Variants in PCGF5 observed in about 807,000 individuals in gnomAD.
The protein encoded by PCGF5 is polycomb group ring finger 5.
PCGF5 carries 9 observed loss-of-function variants against 44.3 expected under a neutral mutation model. That is an observed-to-expected ratio of 0.20 (90% CI 0.12 to 0.35). The LOEUF (loss-of-function observed/expected upper bound fraction) is 0.35. Among genes scored for constraint, PCGF5 ranks in the 10% least tolerant of loss-of-function variants. The pLI is 1.00. For synonymous variants in PCGF5, 95 were observed against 102.5 expected (o/e 0.93, Z 0.44); for missense variants, 146 against 305.3 (o/e 0.48, Z 3.89).
At chr10:91,271,590 T>C in intron 8 of PCGF5, 48 bp from the exon 9 acceptor site, 1 of 1,430,726 alleles carries the variant, frequency 7.0e-7, no homozygotes, top group Non-Finnish European at 9.9e-7. Context: ...TTTAAATATG[T>C]GTCCAGTTGT....
At chr10:91,164,788 C>T (rs1163625571) in intron 1 of PCGF5, among the ~76,000 whole-genome samples, 2 of 152,176 alleles carry the variant, frequency 1.3e-5, no homozygotes, top group East Asian at 3.8e-4. Flanking sequence ...TCTTGATCGC[C>T]TTCATTATCT....
chr10:91,269,004 A>G (rs542742054), intron 8 of PCGF5, among the ~76,000 whole-genome samples: 2 of 152,102 alleles, frequency 1.3e-5, no homozygotes, highest in South Asian at 2.1e-4. Context: ...GGAAAAAGGA[A>G]AAAAAAACAT....
At chr10:91,190,419 G>A (rs1014423294) in intron 1 of PCGF5, among the ~76,000 whole-genome samples, 2 of 152,164 alleles carry the variant, frequency 1.3e-5, no homozygotes, top group East Asian at 1.9e-4. Context: ...TGTCGCTAAA[G>A]GTCTGTGGTG....
Position 91,199,026 on chromosome 10 carries a change from T to G in PCGF5, c.-183-23663T>G, listed in dbSNP as rs994191232. Among the ~76,000 whole-genome samples the G allele has an allele frequency of 4.6e-5, 7 of 152,326 alleles. No individual in the cohort carries two copies. In the East Asian group the frequency reaches 1.4e-3, roughly 29 times the overall value. ...CCTTTTATGTATTTATTGTTTTTGT[T>G]CAGAAACTGAAACTGCATCACATAC... On this transcript the variant is annotated intron_variant, in intron 1 of 9. Transcript: ENST00000614189.
chr10:91,196,514 A>G (rs1844138037), intron 1 of PCGF5, among the ~76,000 whole-genome samples: 1 of 152,114 alleles, frequency 6.6e-6, no homozygotes, highest in Admixed American at 6.5e-5. Flanking sequence ...AGATCTTTCC[A>G]TGGCTTCACA....
At chr10:91,269,081 G>A (rs966300453) in intron 8 of PCGF5, among the ~76,000 whole-genome samples, 1 of 152,268 alleles carries the variant, frequency 6.6e-6, no homozygotes, top group East Asian at 1.9e-4. Flanking sequence ...TTCTGACTCA[G>A]TAGGTCTGGG....
At chr10:91,174,905 T>G (rs945466697) in intron 1 of PCGF5, among the ~76,000 whole-genome samples, 1 of 152,208 alleles carries the variant, frequency 6.6e-6, no homozygotes, top group South Asian at 2.1e-4. Context: ...GAGGCAACAG[T>G]AGAGAAGAGG....
At chr10:91,178,110 A>C (rs1843745761) in intron 1 of PCGF5, among the ~76,000 whole-genome samples, 1 of 152,224 alleles carries the variant, frequency 6.6e-6, no homozygotes, top group African/African-American at 2.4e-5. Context: ...AGACACAGAC[A>C]AAATGTTGAC....
intron 1 of PCGF5, among the ~76,000 whole-genome samples, chr10:91,213,643 T>C (rs1357347924): frequency 2.6e-5 from 4 of 151,688 alleles, no homozygotes; most frequent in Non-Finnish European, 5.9e-5. Context: ...TTTTTTCTTT[T>C]TTTTTTTCTT....
At chr10:91,183,838 A>G (rs764362969) in intron 1 of PCGF5, among the ~76,000 whole-genome samples, 8 of 152,174 alleles carry the variant, frequency 5.3e-5, no homozygotes, top group African/African-American at 1.4e-4. Flanking sequence ...TTGGCTGGAT[A>G]TGAAATTCTG....
chr10:91,200,349 T>G (rs1237684730), intron 1 of PCGF5, among the ~76,000 whole-genome samples: 1 of 152,092 alleles, frequency 6.6e-6, no homozygotes, highest in Non-Finnish European at 1.5e-5. Flanking sequence ...TATTAATATC[T>G]TCCTACTCGG....
chr10:91,185,342 T>C (rs888278427), intron 1 of PCGF5, among the ~76,000 whole-genome samples: 7 of 152,160 alleles, frequency 4.6e-5, no homozygotes, highest in African/African-American at 1.4e-4. Context: ...TCTGCCCCCG[T>C]GGGTTTGGAC....
rs919197505 is a variant in PCGF5 at position 91,177,353 on chromosome 10, A to G, written c.-184+14272A>G. Among the ~76,000 whole-genome samples the G allele has an allele frequency of 5.0e-4, 76 of 152,248 alleles. 1 individual carries two copies. Among genetic ancestry groups the G allele is most frequent in the Non-Finnish European group, 1.3e-4 (9 of 68,044 alleles). On this transcript the variant is annotated intron_variant, in intron 1 of 9. Coordinates refer to the PCGF5 transcript ENST00000614189. ...CTTCCAGTTAGGCTACTCGGGGGTC[A>G]GGGACCCACTTGAGGAGGCAGTCTG...
chr10:91,191,476 A>G (rs1421988447), intron 1 of PCGF5, among the ~76,000 whole-genome samples: 1 of 152,198 alleles, frequency 6.6e-6, no homozygotes, highest in Admixed American at 6.5e-5. Flanking sequence ...GGAACTTTCC[A>G]TTTAATATTT....
chr10:91,181,282 A>G (rs1843814818), intron 1 of PCGF5, among the ~76,000 whole-genome samples: 1 of 152,244 alleles, frequency 6.6e-6, no homozygotes, highest in Non-Finnish European at 1.5e-5. Flanking sequence ...TTCTAGATAT[A>G]GGATCCTGTC....
chr10:91,248,612 C>T, intron 4 of PCGF5, 52 bp downstream of exon 4: 1 of 1,596,936 alleles, frequency 6.3e-7, no homozygotes. Context: ...GAAATCAACA[C>T]TTCTATTAAA....
chr10:91,186,636 T>C (rs1843932369), intron 1 of PCGF5, among the ~76,000 whole-genome samples: 1 of 151,998 alleles, frequency 6.6e-6, no homozygotes, highest in Non-Finnish European at 1.5e-5. Context: ...AATTAAAATG[T>C]TTAAAATGTT....
chr10:91,193,945 G>A (rs918515069), intron 1 of PCGF5, among the ~76,000 whole-genome samples: 2 of 152,160 alleles, frequency 1.3e-5, no homozygotes, highest in African/African-American at 4.8e-5. Flanking sequence ...TTAGATTTGG[G>A]ATGTAAGAGA....
intron 1 of PCGF5, among the ~76,000 whole-genome samples, chr10:91,189,189 G>A (rs1843984717): frequency 6.6e-6 from 1 of 152,128 alleles, no homozygotes; most frequent in Non-Finnish European, 1.5e-5. Context: ...TTCTTTGCCT[G>A]GCAAAATCTT....
Sources: gnomAD v4.1 joint callset for allele counts (sites outside exome capture counted in the v4.1 genomes callset) on GRCh38, gnomAD v4.1.1 for gene constraint, MANE v1.5 for transcripts, NCBI Gene and HGNC (gene_info 2026-07-23, HGNC 2026-07-21) for gene names.